FER: variants seen among roughly 807,000 people sequenced by gnomAD.
FER encodes FER tyrosine kinase.
A neutral mutation model predicts 111.0 loss-of-function variants in FER; 63 were observed. The observed-to-expected ratio is 0.57, with a 90% CI of 0.46 to 0.70. FER has a LOEUF of 0.70. Among genes scored for constraint, FER ranks in the 30% least tolerant of loss-of-function variants. FER has a pLI of 0.00. For missense variants in FER, 914 were observed against 954.0 expected, an observed-to-expected ratio of 0.96 and a Z score of 0.55; for synonymous variants, 327 against 313.9, an observed-to-expected ratio of 1.04 and a Z score of -0.44.
intron 17 of FER, among the ~76,000 whole-genome samples, chr5:109,160,264 G>A (rs934629827): frequency 6.6e-6 from 1 of 151,954 alleles, no homozygotes; most frequent in African/African-American, 2.4e-5. Context: ...TTCATGGGAA[G>A]AAACAGTGAT....
chr5:109,180,305 TA>T (rs1431466590), intron 17 of FER, among the ~76,000 whole-genome samples: 2 of 152,156 alleles, frequency 1.3e-5, no homozygotes, highest in Non-Finnish European at 2.9e-5. Flanking sequence ...TGCAGCTATT[TA>T]ATGTAACTAA....
At chr5:108,892,365 G>T (rs1354400486) in intron 9 of FER, among the ~76,000 whole-genome samples, 1 of 152,114 alleles carries the variant, frequency 6.6e-6, no homozygotes, top group African/African-American at 2.4e-5. Context: ...ATTCTAACTG[G>T]TGTGAGATGG....
At chr5:108,883,762 A>AGGC (rs1312948510) in intron 9 of FER, among the ~76,000 whole-genome samples, 3 of 151,988 alleles carry the variant, frequency 2.0e-5, no homozygotes, top group Non-Finnish European at 2.9e-5. Flanking sequence ...CATATGTCTC[A>AGGC]ATGTTTTAAC....
At chr5:108,951,239 G>T (rs1270798149) in intron 11 of FER, among the ~76,000 whole-genome samples, 3 of 152,026 alleles carry the variant, frequency 2.0e-5, no homozygotes, top group Admixed American at 2.0e-4. Flanking sequence ...ACTCCAGCCT[G>T]GGTGACAGAG....
Position 108,897,836 on chromosome 5 carries a change from A to T in FER, c.1224A>T (p.Ser408=). The T allele has an allele frequency of 6.2e-7, 1 of 1,611,030 alleles. No individual in the cohort carries two copies. Among genetic ancestry groups the T allele is most frequent in the Non-Finnish European group, 8.5e-7 (1 of 1,178,762 alleles). ...PVVNYEEDAR[S]VTSMERKERL... ...TAAATTATGAAGAAGATGCACGATC[A>T]GTTACATCTATGGTAAGCTAAAGAA... is the stretch of plus-strand genomic sequence containing the variant. The change falls in exon 10 of 20, where the codon TCA becomes TCT. Residue 408 remains serine (S), a synonymous_variant. Coordinates refer to ENST00000281092, the MANE Select transcript of FER (RefSeq NM_005246.4).
intron 13 of FER, among the ~76,000 whole-genome samples, chr5:108,960,095 C>T (rs923707019): frequency 5.5e-4 from 83 of 151,942 alleles, no homozygotes; most frequent in African/African-American, 1.8e-3. Flanking sequence ...TGAAGAACAG[C>T]GTAGAAATAG....
intron 17 of FER, among the ~76,000 whole-genome samples, chr5:109,172,740 C>T (rs1757279217): frequency 2.6e-5 from 4 of 151,992 alleles, no homozygotes; most frequent in Non-Finnish European, 4.4e-5. Flanking sequence ...TTCCTTTAGA[C>T]CAGAATCTTT....
intron 3 of FER, among the ~76,000 whole-genome samples, chr5:108,815,821 A>G (rs1758213017): frequency 6.6e-6 from 1 of 152,194 alleles, no homozygotes; most frequent in Non-Finnish European, 1.5e-5. Context: ...TACATATATA[A>G]TGTAACTTGA....
intron 16 of FER, 41 bp from the exon 17 acceptor site, chr5:109,100,355 A>G (rs754828340): frequency 1.2e-6 from 2 of 1,602,430 alleles, no homozygotes; most frequent in Non-Finnish European, 1.7e-6. Flanking sequence ...TGTGACTTTC[A>G]TCATAACTTT....
At chr5:108,992,934 G>C (rs532657158) in intron 13 of FER, among the ~76,000 whole-genome samples, 1 of 148,378 alleles carries the variant, frequency 6.7e-6, no homozygotes, top group South Asian at 2.1e-4. Flanking sequence ...CCACATCTCC[G>C]ACGATGGGCG....
At chr5:108,887,886 T>A (rs984783047) in intron 9 of FER, among the ~76,000 whole-genome samples, 3 of 151,868 alleles carry the variant, frequency 2.0e-5, no homozygotes, top group African/African-American at 7.2e-5. Context: ...GCTAGTGATG[T>A]TACTGTTGGT....
At chr5:108,862,058 C>G (rs559172982) in intron 5 of FER, among the ~76,000 whole-genome samples, 2 of 152,256 alleles carry the variant, frequency 1.3e-5, no homozygotes, top group East Asian at 1.9e-4. Flanking sequence ...GTGGAGTACT[C>G]CTCCCCAAAA....
chr5:109,177,256 G>T, intron 17 of FER, among the ~76,000 whole-genome samples: 1 of 152,142 alleles, frequency 6.6e-6, no homozygotes, highest in South Asian at 2.1e-4. Context: ...TAGAGCAAAT[G>T]AAATATGCTT....
In FER at chr5:108,982,601, G is replaced by A. The variant is rs61711362; in HGVS notation, c.1656+23254G>A. On this transcript the variant is annotated intron_variant, in intron 13 of 19. Transcript: ENST00000281092. ...TATTCTGCATTAACACTATTTTTTC[G>A]GTATTCCTCTTATGAACTATTCACT... Among the ~76,000 whole-genome samples the A allele has an allele frequency of 7.7e-3, 1,175 of 151,850 alleles. 16 individuals carry two copies. Among genetic ancestry groups the A allele is most frequent in the African/African-American group, 0.027 (1,122 of 41,416 alleles).
chr5:108,885,834 G>A (rs879451882), intron 9 of FER, among the ~76,000 whole-genome samples: 1 of 151,810 alleles, frequency 6.6e-6, no homozygotes, highest in Non-Finnish European at 1.5e-5. Flanking sequence ...GAAAATTTGA[G>A]TTACTCTGAT....
At chr5:108,924,192 A>G (rs545422679) in intron 10 of FER, among the ~76,000 whole-genome samples, 14 of 152,002 alleles carry the variant, frequency 9.2e-5, no homozygotes, top group Non-Finnish European at 2.1e-4. Flanking sequence ...CCCCGTCTCT[A>G]CTAAAAATAC....
chr5:109,034,469 C>T (rs1445910140), intron 13 of FER, among the ~76,000 whole-genome samples: 1 of 151,870 alleles, frequency 6.6e-6, no homozygotes, highest in Non-Finnish European at 1.5e-5. Flanking sequence ...GCCTCTTCTG[C>T]TTGCAGGCCC....
chr5:108,989,849 C>G (rs1326038661), intron 13 of FER, among the ~76,000 whole-genome samples: 1 of 151,836 alleles, frequency 6.6e-6, no homozygotes, highest in Non-Finnish European at 1.5e-5. Flanking sequence ...TATGATATAG[C>G]TAGACATTTA....
chr5:108,938,579 A>C (rs1755834479), intron 10 of FER, among the ~76,000 whole-genome samples: 1 of 152,016 alleles, frequency 6.6e-6, no homozygotes, highest in Non-Finnish European at 1.5e-5. Context: ...GAGACAGGGT[A>C]GCAAGGGAAT....
Sources: allele counts gnomAD v4.1 joint callset (sites outside exome capture counted in the v4.1 genomes callset), GRCh38; gene constraint gnomAD v4.1.1; transcripts MANE v1.5; gene names NCBI Gene and HGNC (gene_info 2026-07-23, HGNC 2026-07-21).